The following RBFOX3 variants were observed in gnomAD, a reference collection of about 807,000 sequenced individuals.
RBFOX3 encodes RNA binding fox-1 homolog 3, also known as RNA binding protein fox-1 homolog 3.
RBFOX3 carries 17 observed loss-of-function variants against 48.7 expected under a neutral mutation model. That is an observed-to-expected ratio of 0.35 (90% CI 0.24 to 0.52). RBFOX3 has a LOEUF of 0.52. Among genes scored for constraint, RBFOX3 ranks in the 20% least tolerant of loss-of-function variants. The pLI, the probability that RBFOX3 is intolerant of heterozygous loss-of-function variation, is 0.94. For missense variants in RBFOX3, 382 were observed against 497.5 expected (o/e 0.77, Z 2.21); for synonymous variants, 212 against 209.5 (o/e 1.01, Z -0.10).
At chr17:79,295,441 T>C (rs1394450293) in intron 3 of RBFOX3, among the ~76,000 whole-genome samples, 1 of 152,156 alleles carries the variant, frequency 6.6e-6, no homozygotes, top group Non-Finnish European at 1.5e-5. Context: ...GCCTGCCGCC[T>C]TGGTGGCTCT....
At chr17:79,628,621 C>A in the RBFOX3 span, among the ~76,000 whole-genome samples, 49,281 of 151,964 alleles carry the variant, frequency 0.32, 8,524 homozygotes, top group African/African-American at 0.4. Flanking sequence ...GTGCATTCAC[C>A]ATGTTTTGTA....
intron 2 of RBFOX3, among the ~76,000 whole-genome samples, chr17:79,400,037 C>T (rs745687640): frequency 2.0e-5 from 3 of 152,122 alleles, no homozygotes; most frequent in East Asian, 3.8e-4. Context: ...CTGATTTAAC[C>T]GGTTTCCAGA....
At chr17:79,486,754 C>T (rs1265929047) in intron 1 of RBFOX3, among the ~76,000 whole-genome samples, 2 of 152,302 alleles carry the variant, frequency 1.3e-5, no homozygotes, top group East Asian at 1.9e-4. Flanking sequence ...AGGGTGAGGG[C>T]TGTGCCCTGG....
chr17:79,157,309 G>A (rs1006597419), intron 4 of RBFOX3, among the ~76,000 whole-genome samples: 1 of 152,198 alleles, frequency 6.6e-6, no homozygotes, highest in African/African-American at 2.4e-5. Flanking sequence ...CTGTGGCCTA[G>A]CCAAGAGCCC....
chr17:79,113,961 G>A (rs973818250), intron 5 of RBFOX3, among the ~76,000 whole-genome samples: 3 of 152,188 alleles, frequency 2.0e-5, no homozygotes, highest in Non-Finnish European at 4.4e-5. Flanking sequence ...TTCAGTTAGA[G>A]TGCTAGGTCC....
Position 79,462,945 on chromosome 17 carries a change from C to T in RBFOX3, c.-175+19509G>A, listed in dbSNP as rs537417983. On this transcript the variant is annotated intron_variant, in intron 2 of 14. Coordinates refer to ENST00000693108, the MANE Select transcript of RBFOX3 (RefSeq NM_001350451.2). ...AAGCAAGAGAAGCCTCTTTGAGCAT[C>T]GTTCGATTGCCCTGTTGCCACTGCC... Among the ~76,000 whole-genome samples, 8 of 152,260 alleles carry T rather than the reference C, an allele frequency of 5.3e-5. No individual in the cohort carries two copies. The East Asian group carries it at 9.6e-4, about 18-fold the overall frequency.
chr17:79,127,008 C>T (rs2037479259), intron 4 of RBFOX3, among the ~76,000 whole-genome samples: 1 of 152,202 alleles, frequency 6.6e-6, no homozygotes, highest in Admixed American at 6.5e-5. Flanking sequence ...GGTGAAGCCT[C>T]CAGTTTCCTG....
At chr17:79,226,729 G>C (rs1429918348) in intron 4 of RBFOX3, among the ~76,000 whole-genome samples, 1 of 152,216 alleles carries the variant, frequency 6.6e-6, no homozygotes, top group African/African-American at 2.4e-5. Context: ...TTCCTGGGGT[G>C]ACTATGGGGG....
intron 2 of RBFOX3, among the ~76,000 whole-genome samples, chr17:79,467,666 CG>C (rs1481654208): frequency 2.0e-5 from 3 of 152,162 alleles, no homozygotes; most frequent in African/African-American, 7.2e-5. Context: ...TTAGGGCCTC[CG>C]GCTTCCATCC....
At position 79,294,456 on chromosome 17, in the gene RBFOX3, G is replaced by A. The variant is rs1030849944; in HGVS notation, c.-74+13268C>T. On this transcript the variant is annotated intron_variant, in intron 3 of 14. Transcript: ENST00000693108. Reference sequence around the variant, plus strand: ...CTCCCGAGTAGCTGGGACTTCAGGCGCCTGCCACCACGCCCAGCTAATTTT... The same window carrying A: ...CTCCCGAGTAGCTGGGACTTCAGGCACCTGCCACCACGCCCAGCTAATTTT... Among the ~76,000 whole-genome samples, 4 of 152,048 alleles carry A rather than the reference G, an allele frequency of 2.6e-5. No homozygotes were observed. In the East Asian group the frequency reaches 5.8e-4, roughly 22 times the overall value.
rs982218005 is a variant in RBFOX3 at position 79,212,143 on chromosome 17, A to G, written c.-34+23623T>C. Among the ~76,000 whole-genome samples, 4 of 152,218 alleles carry G rather than the reference A, an allele frequency of 2.6e-5. No individual in the cohort carries two copies. Among genetic ancestry groups the G allele is most frequent in the African/African-American group, 9.6e-5 (4 of 41,452 alleles). ...CTGGGCATCTTCGACCATGCCAGGG[A>G]CAAGACAGCAGAAAAATGGCCCCAG... On this transcript the variant is annotated intron_variant, in intron 4 of 14. Transcript: ENST00000693108. The surrounding 1 kb of genome is among the most constrained non-coding windows in gnomAD (Gnocchi z 4.7).
chr17:79,112,368 C>T (rs894102064), intron 5 of RBFOX3, among the ~76,000 whole-genome samples: 1 of 152,054 alleles, frequency 6.6e-6, no homozygotes, highest in Non-Finnish European at 1.5e-5. Context: ...CGGGAAAGGC[C>T]CTGAGTTGGA....
intron 2 of RBFOX3, among the ~76,000 whole-genome samples, chr17:79,388,239 TG>T (rs2060855111): frequency 6.6e-6 from 1 of 151,922 alleles, no homozygotes; most frequent in Admixed American, 6.6e-5. Context: ...GTGACTGGGG[TG>T]GGGGCTCTAT....
chr17:79,576,452 G>A (rs1661202219), intron 1 of RBFOX3, among the ~76,000 whole-genome samples: 1 of 152,076 alleles, frequency 6.6e-6, no homozygotes, highest in African/African-American at 2.4e-5. Flanking sequence ...TGATGGAGAA[G>A]GTGGAGATCA....
At position 79,479,109 on chromosome 17, in the gene RBFOX3, C is replaced by G. The variant is rs941098246; in HGVS notation, c.-175+3345G>C. 6.6e-5 allele frequency among the ~76,000 whole-genome samples: 10 copies of G among 152,336 alleles called. No homozygotes were observed. In the East Asian group the frequency reaches 1.9e-3, roughly 29 times the overall value. On this transcript the variant is annotated intron_variant, in intron 2 of 14. Transcript: ENST00000693108. This position sits in a 1 kb window ranked among gnomAD's most constrained non-coding sequence, Gnocchi z 5.1. ...GGGCAAAAGCTCCTGCAGGCTTTTC[C>G]CTGCCCGGGTTTCTCCATCACTGTT...
chr17:79,302,857 G>A (rs528848638), intron 3 of RBFOX3, among the ~76,000 whole-genome samples: 1 of 152,248 alleles, frequency 6.6e-6, no homozygotes, highest in Admixed American at 6.5e-5. Flanking sequence ...TGATGGAAAT[G>A]TTTTGGAATT....
chr17:79,586,520 T>TG (rs1319652908), intron 1 of RBFOX3, among the ~76,000 whole-genome samples: 1 of 152,250 alleles, frequency 6.6e-6, no homozygotes, highest in Non-Finnish European at 1.5e-5. Flanking sequence ...AGTCGCTGAC[T>TG]GGTACCCCCT....
At chr17:79,239,818 A>G (rs2062103369) in intron 3 of RBFOX3, among the ~76,000 whole-genome samples, 1 of 152,280 alleles carries the variant, frequency 6.6e-6, no homozygotes, top group Admixed American at 6.5e-5. Flanking sequence ...GTAACAGGTA[A>G]GGGTTTGACT....
chr17:79,533,247 G>A (rs1285841279), intron 1 of RBFOX3, among the ~76,000 whole-genome samples: 2 of 152,204 alleles, frequency 1.3e-5, no homozygotes, highest in Admixed American at 6.5e-5. Flanking sequence ...TCCCAGGGCC[G>A]GGACAAGCTG....
Sources: allele counts gnomAD v4.1 joint callset (sites outside exome capture counted in the v4.1 genomes callset), GRCh38; gene constraint gnomAD v4.1.1; non-coding constraint Gnocchi (gnomAD v3.1); transcripts MANE v1.5; gene names NCBI Gene and HGNC (gene_info 2026-07-23, HGNC 2026-07-21).